Variants in HNRNPM observed in about 807,000 individuals in gnomAD.
HNRNPM encodes heterogeneous nuclear ribonucleoprotein M, also known as CEA receptor.
In HNRNPM, 11 loss-of-function variants were observed where a neutral mutation model predicts 73.1. The ratio of observed to expected loss-of-function variants is 0.15; its 90% CI spans 0.09 to 0.25. The LOEUF is 0.25. Ranked by LOEUF, HNRNPM falls within the 10% of genes least tolerant of loss-of-function variation. The pLI, the probability that HNRNPM is intolerant of heterozygous loss-of-function variation, is 1.00. For synonymous variants in HNRNPM, 407 were observed against 355.2 expected (o/e 1.15, Z -1.64); for missense variants, 789 against 1,067.9 (o/e 0.74, Z 3.64).
Position 8,488,701 on chromosome 19 carries a change from G to C in HNRNPM, c.2040G>C (p.Leu680=). ...KDKFNECGHV[L]YADIKMENGK... ...CCCTCCCTGTCCTAGGCCACGTGCT[G>C]TACGCCGACATCAAGATGGAGAATG... is the stretch of plus-strand genomic sequence containing the variant. Residue 680 remains leucine, a synonymous_variant, in exon 16 of 16, where the codon CTG becomes CTC. Coordinates refer to ENST00000325495, the MANE Select transcript of HNRNPM (RefSeq NM_005968.5). 1 of 1,613,714 alleles carries C rather than the reference G, an allele frequency of 6.2e-7. No homozygotes were observed. Among genetic ancestry groups the C allele is most frequent in the Non-Finnish European group, 8.5e-7 (1 of 1,179,696 alleles).
In HNRNPM at chr19:8,467,600, C is replaced by CT; in HGVS notation, c.834+19dup. 1.3e-6 allele frequency: 2 copies of CT among 1,588,452 alleles called. No homozygotes were observed. The highest frequency in any genetic ancestry group is 1.1e-5 in the South Asian group (1 of 90,578). ...CGTCAAGATGGTAAGTCAGTAGGATCTTTCTCTGTGATATACTCAAGTCTA... is the reference window on the plus strand; with the variant it reads ...CGTCAAGATGGTAAGTCAGTAGGATCTTTTCTCTGTGATATACTCAAGTCTA... On this transcript the variant is annotated intron_variant, in intron 8 of 15. Coordinates refer to ENST00000325495, the MANE Select transcript of HNRNPM (RefSeq NM_005968.5).
chr19:8,483,131 A>ATT, intron 12 of HNRNPM, 27 bp from the exon 13 acceptor site: 1 of 1,522,830 alleles, frequency 6.6e-7, no homozygotes, highest in Non-Finnish European at 9.1e-7. Flanking sequence ...AATTTGGCTA[A>ATT]TTTTTTTTTC....
At chr19:8,471,812 A>T (rs902255992) in intron 10 of HNRNPM, among the ~76,000 whole-genome samples, 2 of 151,776 alleles carry the variant, frequency 1.3e-5, no homozygotes, top group African/African-American at 4.8e-5. Flanking sequence ...TCTTACCAAG[A>T]CCCCTTTGGG....
intron 1 of HNRNPM, among the ~76,000 whole-genome samples, chr19:8,447,461 A>C (rs1021846044): frequency 4.6e-5 from 7 of 152,138 alleles, no homozygotes; most frequent in Non-Finnish European, 1.0e-4. Flanking sequence ...GACCTCCGCC[A>C]CCTGCTGGGG....
intron 13 of HNRNPM, among the ~76,000 whole-genome samples, chr19:8,484,801 G>GA (rs1971155935): frequency 6.6e-6 from 1 of 152,208 alleles, no homozygotes; most frequent in South Asian, 2.1e-4. Context: ...TCGGCATGTG[G>GA]AAAGGGGTGG....
intron 12 of HNRNPM, chr19:8,482,912 G>A (rs911314101): frequency 2.3e-5 from 11 of 468,674 alleles, no homozygotes; most frequent in Admixed American, 8.2e-5. Flanking sequence ...GGGCGCATTC[G>A]CAGGTGACCC....
At chr19:8,480,157 C>G (rs1970807067) in intron 12 of HNRNPM, among the ~76,000 whole-genome samples, 1 of 146,102 alleles carries the variant, frequency 6.8e-6, no homozygotes, top group South Asian at 2.2e-4. Flanking sequence ...GCTGGTGAAT[C>G]ACGAGGTTAG....
At chr19:8,485,541 G>T in intron 13 of HNRNPM, 62 bp from the exon 14 acceptor site, 1 of 1,499,248 alleles carries the variant, frequency 6.7e-7, no homozygotes, top group South Asian at 1.2e-5. Context: ...GTGGTCTGGC[G>T]TGTTGTGCAC....
intron 9 of HNRNPM, among the ~76,000 whole-genome samples, chr19:8,469,566 C>T (rs527542287): frequency 5.3e-4 from 81 of 152,300 alleles, no homozygotes; most frequent in African/African-American, 1.9e-3. Flanking sequence ...AAATCTGTCT[C>T]GTGACAGGGA....
intron 9 of HNRNPM, among the ~76,000 whole-genome samples, chr19:8,469,881 G>A (rs906444479): frequency 4.6e-5 from 7 of 152,250 alleles, no homozygotes; most frequent in African/African-American, 1.7e-4. Flanking sequence ...TTGCAGCGTA[G>A]CATTATGGCA....
chr19:8,474,950 T>A (rs1970401917), intron 12 of HNRNPM, among the ~76,000 whole-genome samples: 1 of 152,134 alleles, frequency 6.6e-6, no homozygotes, highest in Admixed American at 6.5e-5. Context: ...CCTGACTTCA[T>A]GTGATCCGCC....
intron 14 of HNRNPM, among the ~76,000 whole-genome samples, 157 bp downstream of exon 14, chr19:8,486,562 A>G (rs1037428060): frequency 1.2e-4 from 18 of 152,176 alleles, no homozygotes; most frequent in African/African-American, 4.3e-4. Context: ...CAAGTAAGGA[A>G]TGTGAGAACT....
At chr19:8,449,966 G>T (rs1386482828) in intron 1 of HNRNPM, among the ~76,000 whole-genome samples, 2 of 152,068 alleles carry the variant, frequency 1.3e-5, no homozygotes, top group Non-Finnish European at 2.9e-5. Context: ...TTTTTGTTTT[G>T]CCATTCTTTG....
rs965213687 is a variant in HNRNPM, at chr19:8,484,416, G to A, written c.1175-1187G>A. On this transcript the variant is annotated intron_variant, in intron 13 of 15. Coordinates refer to ENST00000325495, the MANE Select transcript of HNRNPM (RefSeq NM_005968.5). ...GGTCGCGAACTCCTGACCTTGTTCCGCCCGCCTTGGCCTCCCAAAGTACTG... is the reference window on the plus strand; with the variant it reads ...GGTCGCGAACTCCTGACCTTGTTCCACCCGCCTTGGCCTCCCAAAGTACTG... Among the ~76,000 whole-genome samples, 15 of 152,138 alleles carry A rather than the reference G, an allele frequency of 9.9e-5. 1 individual carries two copies. The highest frequency in any genetic ancestry group is 3.6e-4 in the African/African-American group (15 of 41,522).
chr19:8,476,213 C>T (rs530987503), intron 12 of HNRNPM, among the ~76,000 whole-genome samples: 1 of 152,072 alleles, frequency 6.6e-6, no homozygotes, highest in South Asian at 2.1e-4. Context: ...GGAGTGCTCC[C>T]CACACCCTCT....
rs571187994 is a variant in HNRNPM at position 8,445,152 on chromosome 19, C to T, written c.113+41C>T. 1.6e-5 allele frequency: 21 copies of T among 1,345,914 alleles called. No homozygotes were observed. The South Asian group carries it at 1.7e-4, about 11-fold the overall frequency. 83.4% of individuals were successfully genotyped at this position (1,345,914 alleles called of 1,614,324 possible). On this transcript the variant is annotated intron_variant, in intron 1 of 15. Transcript: ENST00000325495. ...TCCTTTGCCACGGGTAAGGGTTCCT[C>T]TCCGCGGCCGACGCGGGCGGCGGCT...
At chr19:8,453,770 G>A (rs536832627) in intron 1 of HNRNPM, among the ~76,000 whole-genome samples, 1 of 152,286 alleles carries the variant, frequency 6.6e-6, no homozygotes, top group South Asian at 2.1e-4. Flanking sequence ...TCTAATCTGT[G>A]CCTCCCTGTA....
intron 7 of HNRNPM, 108 bp from the exon 8 acceptor site, chr19:8,467,426 AT>A (rs1568278453): frequency 2.7e-6 from 2 of 740,824 alleles, no homozygotes; most frequent in Non-Finnish European, 4.8e-6. Flanking sequence ...TTGCTCATAA[AT>A]TCATCACTTA....
At chr19:8,466,191 A>G in intron 6 of HNRNPM, 44 bp from the exon 7 acceptor site, 1 of 1,566,178 alleles carries the variant, frequency 6.4e-7, no homozygotes, top group Non-Finnish European at 8.7e-7. Context: ...TGTGTTTCTT[A>G]AGATGTTTAC....
Sources: allele counts gnomAD v4.1 joint callset (sites outside exome capture counted in the v4.1 genomes callset), GRCh38; gene constraint gnomAD v4.1.1; transcripts MANE v1.5; gene names NCBI Gene and HGNC (gene_info 2026-07-23, HGNC 2026-07-21).